Variants in CCSER2 observed in about 807,000 individuals in gnomAD.
The protein encoded by CCSER2 is serine-rich coiled-coil domain-containing protein 2.
In CCSER2, 46 loss-of-function variants were observed where a neutral mutation model predicts 92.3. That is an observed-to-expected ratio of 0.50 (90% CI 0.39 to 0.64). The LOEUF is 0.64. Ranked by LOEUF, CCSER2 falls within the 30% of genes least tolerant of loss-of-function variation. The probability of loss-of-function intolerance (pLI) is 0.00; values close to 1 mark genes in which losing one functional copy is unlikely to be tolerated. For synonymous variants in CCSER2, 433 were observed against 431.4 expected (o/e 1.00, Z -0.04); for missense variants, 1,244 against 1,238.9 (o/e 1.00, Z -0.06).
At chr10:84,394,060 A>G (rs1229415647) in intron 3 of CCSER2, 2 of 152,228 alleles carry the variant, frequency 1.3e-5, no homozygotes, top group Admixed American at 6.5e-5. Context: ...TCCTATTAAT[A>G]TAACTTTTAG....
intron 1 of CCSER2, among the ~76,000 whole-genome samples, chr10:84,357,665 T>G (rs113163040): frequency 0.021 from 3,179 of 152,244 alleles, 86 homozygotes; most frequent in Admixed American, 0.073. Flanking sequence ...TTAGCCAGGA[T>G]GGTCTTGATC....
chr10:84,475,248 A>G (rs1847069966), intron 8 of CCSER2, among the ~76,000 whole-genome samples: 1 of 152,192 alleles, frequency 6.6e-6, no homozygotes, highest in African/African-American at 2.4e-5. Context: ...CCTTGGGGTA[A>G]GAGATTAGGA....
chr10:84,353,864 A>C (rs534017812), intron 1 of CCSER2, among the ~76,000 whole-genome samples: 1 of 151,624 alleles, frequency 6.6e-6, no homozygotes, highest in African/African-American at 2.4e-5. Flanking sequence ...CTTTTCCTGC[A>C]GAAAAGAGGG....
intron 5 of CCSER2, among the ~76,000 whole-genome samples, chr10:84,436,665 T>TCACTGCG (rs1844176601): frequency 6.7e-6 from 1 of 149,780 alleles, no homozygotes; most frequent in African/African-American, 2.4e-5. Context: ...AAGTCACTAG[T>TCACTGCG]CACTGCGGGA....
intron 4 of CCSER2, chr10:84,424,846 TA>T: frequency 1.2e-5 from 2 of 173,030 alleles, no homozygotes; most frequent in Non-Finnish European, 2.3e-5. Context: ...AGTAGCTATG[TA>T]AGCACTGAGT....
intron 6 of CCSER2, chr10:84,455,623 CT>C (rs1252433029): frequency 1.5e-5 from 9 of 617,230 alleles, no homozygotes; most frequent in East Asian, 6.4e-5. Flanking sequence ...CAGTCTTGAC[CT>C]TTTTTGAACT....
At chr10:84,437,381 G>A (rs1844236758) in intron 5 of CCSER2, among the ~76,000 whole-genome samples, 1 of 152,060 alleles carries the variant, frequency 6.6e-6, no homozygotes, top group South Asian at 2.1e-4. Flanking sequence ...AGGCATGATG[G>A]TGGGTGCCTG....
At chr10:84,347,798 T>G (rs903903847) in intron 1 of CCSER2, among the ~76,000 whole-genome samples, 1 of 147,222 alleles carries the variant, frequency 6.8e-6, no homozygotes, top group African/African-American at 2.6e-5. Context: ...ACAGAGACGC[T>G]CCTCACCTCC....
chr10:84,341,041 T>C (rs1448684338), intron 1 of CCSER2, among the ~76,000 whole-genome samples: 1 of 148,024 alleles, frequency 6.8e-6, no homozygotes, highest in Non-Finnish European at 1.5e-5. Context: ...GTAACACTTT[T>C]TTTTTTTTTT....
chr10:84,359,210 T>G (rs1368852762), intron 1 of CCSER2, among the ~76,000 whole-genome samples: 1 of 152,226 alleles, frequency 6.6e-6, no homozygotes, highest in African/African-American at 2.4e-5. Flanking sequence ...CAGGCATTAC[T>G]GTATCAATAG....
chr10:84,479,651 A>C (rs1232611647), intron 9 of CCSER2, among the ~76,000 whole-genome samples: 1 of 152,234 alleles, frequency 6.6e-6, no homozygotes, highest in African/African-American at 2.4e-5. Flanking sequence ...GAATATAAAA[A>C]TACATGTGTA....
intron 1 of CCSER2, among the ~76,000 whole-genome samples, chr10:84,340,846 A>G (rs892380457): frequency 6.6e-6 from 1 of 151,878 alleles, no homozygotes; most frequent in Non-Finnish European, 1.5e-5. Flanking sequence ...TTTTTTGGCC[A>G]CTTCCTGTGT....
rs753486357 is a variant in CCSER2, at chr10:84,372,014, C to G, written c.962C>G (p.Ser321Cys). Residue 321 changes from serine to cysteine, a missense_variant, in exon 2 of 10, where the codon TCT (serine) becomes TGT (cysteine). Coordinates refer to ENST00000372088, the MANE Select transcript of CCSER2 (RefSeq NM_001284240.2). Reference protein sequence around the residue: ...STLGYRMVHPSLLKSSRSPFS... With the variant: ...STLGYRMVHPCLLKSSRSPFS... ...TTAGGTTATAGAATGGTTCATCCCT[C>G]TCTACTGAAATCTAGCCGATCTCCA... is the stretch of plus-strand genomic sequence containing the variant. 3.1e-6 allele frequency: 5 copies of G among 1,613,796 alleles called. No individual in the cohort carries two copies. In the South Asian group the frequency reaches 3.3e-5, roughly 11 times the overall value.
chr10:84,466,920 CTT>C (rs1846480696), intron 7 of CCSER2, among the ~76,000 whole-genome samples: 2 of 152,174 alleles, frequency 1.3e-5, no homozygotes, highest in Admixed American at 1.3e-4. Flanking sequence ...CTTCTGTGTT[CTT>C]AACTCTTGTC....
In CCSER2 at chr10:84,515,604, G is replaced by C. The variant is rs548384910; in HGVS notation, c.*1337G>C. 3.3e-5 allele frequency: 5 copies of C among 152,148 alleles called. No individual in the cohort carries two copies. In the East Asian group the frequency reaches 9.7e-4, roughly 29 times the overall value. The allele number at this position is 152,148 out of a possible 1,614,324, so 9.4% of individuals were successfully genotyped here. Reference sequence around the variant, plus strand: ...CTACAGGCATGTGCCACCATGCCTGGCTAATTTTTTTGTATTTTTAGTAGA... The same window carrying C: ...CTACAGGCATGTGCCACCATGCCTGCCTAATTTTTTTGTATTTTTAGTAGA... On this transcript the variant is annotated 3_prime_UTR_variant, in exon 10 of 10. Transcript: ENST00000372088.
intron 1 of CCSER2, among the ~76,000 whole-genome samples, chr10:84,341,085 G>T (rs1844154178): frequency 7.4e-6 from 1 of 135,880 alleles, no homozygotes; most frequent in Non-Finnish European, 1.5e-5. Context: ...CTGTCACCCA[G>T]GCTGGCGTGC....
intron 4 of CCSER2, chr10:84,425,240 TAA>T (rs1843368276): frequency 2.6e-6 from 2 of 774,306 alleles, no homozygotes; most frequent in Non-Finnish European, 3.1e-6. Flanking sequence ...AGCTTAATTT[TAA>T]AAGTGTGATT....
At chr10:84,342,629 G>A (rs1589393936) in intron 1 of CCSER2, among the ~76,000 whole-genome samples, 2 of 152,178 alleles carry the variant, frequency 1.3e-5, no homozygotes, top group South Asian at 4.1e-4. Context: ...CTTGTCTTCT[G>A]CTACATGAAC....
chr10:84,457,331 T>TATATTATATATAAC (rs1564685135), intron 6 of CCSER2, among the ~76,000 whole-genome samples: 16 of 46,960 alleles, frequency 3.4e-4, no homozygotes, highest in African/African-American at 7.2e-4. Flanking sequence ...TTATATATAA[T>TATATTATATATAAC]ATATTATATA....
Sources: allele counts gnomAD v4.1 joint callset (sites outside exome capture counted in the v4.1 genomes callset), GRCh38; gene constraint gnomAD v4.1.1; transcripts MANE v1.5; gene names NCBI Gene and HGNC (gene_info 2026-07-23, HGNC 2026-07-21).